The following FREM1 variants were observed in gnomAD, a reference collection of about 807,000 sequenced individuals.
FREM1 encodes the protein FRAS1 related extracellular matrix 1.
Under a neutral mutation model 210.1 loss-of-function variants are expected in FREM1, and 220 were observed. The observed-to-expected ratio is 1.05, with a 90% confidence interval of 0.94 to 1.17. The LOEUF is 1.17. Among genes scored for constraint, FREM1 ranks in the 50% most tolerant of loss-of-function variants. The pLI is 0.00. For synonymous variants in FREM1, 1,189 were observed against 980.2 expected (o/e 1.21, Z -3.98); for missense variants, 3,454 against 2,675.5 (o/e 1.29, Z -6.42).
intron 23 of FREM1, 93 bp downstream of exon 23, chr9:14,788,826 A>G (rs908083222): frequency 2.1e-6 from 2 of 949,810 alleles, no homozygotes; most frequent in Middle Eastern, 2.2e-4. Context: ...AAAAGGAAAG[A>G]AGGGAGGGAA....
intron 35 of FREM1, among the ~76,000 whole-genome samples, chr9:14,740,567 C>G (rs1316047519): frequency 6.6e-6 from 1 of 152,162 alleles, no homozygotes; most frequent in East Asian, 1.9e-4. Flanking sequence ...TGACAAAATA[C>G]TATTCTTCTC....
Position 14,769,847 on chromosome 9 carries a change from A to C in FREM1, c.5081T>G (p.Phe1694Cys), listed in dbSNP as rs761158768. ...CTTACTGTTTAAGTCCTTTTGGCTA[A>C]ATTTCTCATGGATAAATTCACCTAA... Reference protein sequence around the residue: ...TTTGEFIHEKFSQKDLNSKTI... With the variant: ...TTTGEFIHEKCSQKDLNSKTI... Residue 1694 changes from phenylalanine (F) to cysteine (C), a missense_variant, in exon 27 of 37, where the codon TTT becomes TGT. Physicochemically the swap from Phe to Cys is radical, Grantham distance 205. Transcript: ENST00000380880. The C allele has an allele frequency of 3.2e-6, 5 of 1,548,726 alleles. No homozygotes were observed. Among genetic ancestry groups the C allele is most frequent in the African/African-American group, 1.4e-5 (1 of 72,596 alleles).
chr9:14,743,387 A>C (rs1269730213), intron 35 of FREM1, among the ~76,000 whole-genome samples: 1 of 152,096 alleles, frequency 6.6e-6, no homozygotes, highest in African/African-American at 2.4e-5. Flanking sequence ...GTTTGTCAAC[A>C]TGAGGGCATC....
chr9:14,891,459 G>C (rs1236961043), intron 1 of FREM1, among the ~76,000 whole-genome samples: 2 of 152,200 alleles, frequency 1.3e-5, no homozygotes, highest in Non-Finnish European at 2.9e-5. Flanking sequence ...AAGCACAGGG[G>C]AACATGTCTG....
chr9:14,842,908 T>C (rs1447550825), intron 8 of FREM1, among the ~76,000 whole-genome samples: 1 of 152,200 alleles, frequency 6.6e-6, no homozygotes, highest in Non-Finnish European at 1.5e-5. Context: ...CTATAAAACA[T>C]GGATAATACT....
chr9:14,800,378 C>T (rs1327245095), intron 20 of FREM1, among the ~76,000 whole-genome samples: 1 of 152,074 alleles, frequency 6.6e-6, no homozygotes, highest in Non-Finnish European at 1.5e-5. Flanking sequence ...ATTCAGGAAC[C>T]GCACACTTTT....
At chr9:14,757,703 A>G (rs1844683703) in intron 28 of FREM1, among the ~76,000 whole-genome samples, 1 of 152,230 alleles carries the variant, frequency 6.6e-6, no homozygotes, top group African/African-American at 2.4e-5. Context: ...ACCTTCTGAC[A>G]AAAGAATGAA....
rs1001049352 is a variant in FREM1 at position 14,857,537 on chromosome 9, T to C, written c.828+16A>G. The C allele has an allele frequency of 2.5e-6, 4 of 1,606,700 alleles. No homozygotes were observed. Among genetic ancestry groups the C allele is most frequent in the Non-Finnish European group, 3.4e-6 (4 of 1,174,586 alleles). On this transcript the variant is annotated intron_variant, in intron 5 of 36. Coordinates refer to ENST00000380880, the MANE Select transcript of FREM1 (RefSeq NM_001379081.2). ...TGTGAATCCTGGGGGCACCCACACA[T>C]AACCCCAAACTCTACCTTGTACACA...
intron 3 of FREM1, among the ~76,000 whole-genome samples, chr9:14,860,775 A>T (rs1705374173): frequency 9.9e-6 from 1 of 101,188 alleles, no homozygotes; most frequent in South Asian, 2.8e-4. Flanking sequence ...ATATATACAC[A>T]TATATACATA....
intron 1 of FREM1, among the ~76,000 whole-genome samples, chr9:14,877,172 C>G (rs941256041): frequency 1.3e-5 from 2 of 152,068 alleles, no homozygotes; most frequent in Non-Finnish European, 2.9e-5. Context: ...GATCTCATTC[C>G]TTGGCCTTAA....
chr9:14,862,295 C>T (rs930928364), intron 3 of FREM1, among the ~76,000 whole-genome samples: 7 of 152,212 alleles, frequency 4.6e-5, no homozygotes, highest in African/African-American at 1.4e-4. Context: ...GAATGGTTCA[C>T]TGTTCCAATG....
chr9:14,897,507 G>A (rs1027631124), intron 1 of FREM1, among the ~76,000 whole-genome samples: 2 of 151,620 alleles, frequency 1.3e-5, no homozygotes, highest in Non-Finnish European at 2.9e-5. Flanking sequence ...GTAAAGCATA[G>A]TATCATATAC....
chr9:14,797,803 C>G (rs1487503579), intron 20 of FREM1, among the ~76,000 whole-genome samples, 161 bp from the exon 21 acceptor site: 1 of 152,094 alleles, frequency 6.6e-6, no homozygotes, highest in East Asian at 1.9e-4. Flanking sequence ...TAAAAGAGTG[C>G]CTTCTTAGCC....
At chr9:14,742,871 C>G (rs910857091) in intron 35 of FREM1, among the ~76,000 whole-genome samples, 4 of 151,958 alleles carry the variant, frequency 2.6e-5, no homozygotes, top group African/African-American at 9.7e-5. Flanking sequence ...GATGAGAAAC[C>G]TGCTATACTT....
intron 1 of FREM1, among the ~76,000 whole-genome samples, chr9:14,878,741 G>C (rs912930344): frequency 6.6e-6 from 1 of 152,090 alleles, no homozygotes; most frequent in Non-Finnish European, 1.5e-5. Context: ...CTAGAACAAT[G>C]CCTGATATAT....
At chr9:14,805,509 A>C (rs1168476036) in intron 18 of FREM1, among the ~76,000 whole-genome samples, 1 of 152,226 alleles carries the variant, frequency 6.6e-6, no homozygotes, top group Non-Finnish European at 1.5e-5. Flanking sequence ...ACTTGAGTAT[A>C]AAAAGAGACC....
intron 2 of FREM1, among the ~76,000 whole-genome samples, chr9:14,867,361 C>G (rs967882874): frequency 1.3e-5 from 2 of 152,196 alleles, no homozygotes; most frequent in Admixed American, 1.3e-4. Context: ...TGAGGAGACA[C>G]TGCAACTACC....
chr9:14,871,372 T>G (rs963208727), intron 1 of FREM1, among the ~76,000 whole-genome samples: 19 of 152,214 alleles, frequency 1.2e-4, no homozygotes, highest in Non-Finnish European at 2.8e-4. Flanking sequence ...TGGTATCTCA[T>G]TGTGGTTTTG....
rs1169273855 is a variant in FREM1 at position 14,816,897 on chromosome 9, C to A, written c.2547-26G>T. On this transcript the variant is annotated intron_variant, in intron 14 of 36. Coordinates refer to ENST00000380880, the MANE Select transcript of FREM1 (RefSeq NM_001379081.2). Reference sequence around the variant, plus strand: ...CTGTGGGGATAATATTTGTCACCAACCTCTTAGGAACAGTGTGAGAGTAAA... The same window carrying A: ...CTGTGGGGATAATATTTGTCACCAAACTCTTAGGAACAGTGTGAGAGTAAA... 5.3e-6 allele frequency: 5 copies of A among 942,924 alleles called. No individual in the cohort carries two copies. In the East Asian group the frequency reaches 1.1e-4, roughly 22 times the overall value. 58.4% of individuals were successfully genotyped at this position (942,924 alleles called of 1,614,324 possible).
Sources: gnomAD v4.1 joint callset for allele counts (sites outside exome capture counted in the v4.1 genomes callset) on GRCh38, gnomAD v4.1.1 for gene constraint, MANE v1.5 for transcripts, NCBI Gene and HGNC (gene_info 2026-07-23, HGNC 2026-07-21) for gene names.